PPP1R12A: variants seen among roughly 807,000 people sequenced by gnomAD.
PPP1R12A encodes protein phosphatase 1 regulatory subunit 12A.
A neutral mutation model predicts 139.6 loss-of-function variants in PPP1R12A; 19 were observed. The observed-to-expected ratio is 0.14, with a 90% CI of 0.09 to 0.20. The LOEUF (loss-of-function observed/expected upper bound fraction) is 0.20, where lower values mean the gene tolerates loss of function less well. PPP1R12A is among the 10% of genes least tolerant of loss of function. The pLI is 1.00. For missense variants in PPP1R12A, 925 were observed against 1,211.5 expected, an observed-to-expected ratio of 0.76 and a Z score of 3.51; for synonymous variants, 427 against 420.6, an observed-to-expected ratio of 1.02 and a Z score of -0.19.
chr12:79,831,822 C>T (rs901890369), intron 4 of PPP1R12A, among the ~76,000 whole-genome samples: 1 of 152,062 alleles, frequency 6.6e-6, no homozygotes, highest in Non-Finnish European at 1.5e-5. Context: ...ATATACAGCC[C>T]TGTAGAGTCA....
chr12:79,930,352 TAG>T (rs1236552189), intron 1 of PPP1R12A, among the ~76,000 whole-genome samples: 2 of 152,098 alleles, frequency 1.3e-5, no homozygotes, highest in South Asian at 4.1e-4. Flanking sequence ...TATCCAAATT[TAG>T]AGAGAGGAAT....
At chr12:79,913,791 A>G (rs1163604716) in intron 1 of PPP1R12A, 2 of 152,172 alleles carry the variant, frequency 1.3e-5, no homozygotes, top group Non-Finnish European at 2.9e-5. Flanking sequence ...TCTTTACAAT[A>G]CTTACAGTCT....
At chr12:79,811,806 CAT>C (rs1464197526) in intron 9 of PPP1R12A, among the ~76,000 whole-genome samples, 4 of 152,124 alleles carry the variant, frequency 2.6e-5, no homozygotes, top group Non-Finnish European at 5.9e-5. Context: ...GCCCACCAGC[CAT>C]AGTTTGCCAA....
At chr12:79,869,462 A>T (rs1212580265) in intron 2 of PPP1R12A, among the ~76,000 whole-genome samples, 1 of 152,186 alleles carries the variant, frequency 6.6e-6, no homozygotes, top group Non-Finnish European at 1.5e-5. Flanking sequence ...ATACACAAAC[A>T]ACTGATGTGT....
At chr12:79,889,738 G>A (rs1884420219) in intron 1 of PPP1R12A, among the ~76,000 whole-genome samples, 1 of 152,146 alleles carries the variant, frequency 6.6e-6, no homozygotes, top group Non-Finnish European at 1.5e-5. Context: ...TTGAGCTGCT[G>A]TCATTTTTAA....
intron 1 of PPP1R12A, among the ~76,000 whole-genome samples, chr12:79,877,307 A>G (rs946289906): frequency 6.6e-6 from 1 of 152,216 alleles, no homozygotes; most frequent in Non-Finnish European, 1.5e-5. Context: ...AAAAGAATAC[A>G]TAGGCAACGT....
In PPP1R12A at chr12:79,801,538, T is replaced by C. The variant is rs1243795746; in HGVS notation, c.2001-2954A>G. Among the ~76,000 whole-genome samples, 8 of 151,990 alleles carry C rather than the reference T, an allele frequency of 5.3e-5. No individual in the cohort carries two copies. The South Asian group carries it at 1.2e-3, about 24-fold the overall frequency. ...TTTAAAGCTCTCAGTTCAGCGAGTA[T>C]AGCGTATCTTCAAACATCCTTAGAA... is the stretch of plus-strand genomic sequence containing the variant. On this transcript the variant is annotated intron_variant, in intron 14 of 24. Transcript: ENST00000450142.
rs1877040001 is a variant in PPP1R12A at position 79,828,364 on chromosome 12, T to C, written c.748A>G (p.Ile250Val). 1 of 1,612,514 alleles carries C rather than the reference T, an allele frequency of 6.2e-7. No individual in the cohort carries two copies. Among genetic ancestry groups the C allele is most frequent in the Non-Finnish European group, 8.5e-7 (1 of 1,179,010 alleles). ...AHWGKEEACR[I>V]LVDNLCDMEM... ...ATATCACACAGATTGTCCACTAAAA[T>C]TCGACATGCTTCTTCTTTACCCCAA... Residue 250 changes from isoleucine to valine, a missense_variant, in exon 5 of 25, where the codon ATT becomes GTT. Around this residue, in one of 4 missense-constraint regions of PPP1R12A, gnomAD observed 199 missense variants for 352.4 expected, o/e 0.56. Transcript: ENST00000450142.
At chr12:79,890,597 A>G (rs1884491474) in intron 1 of PPP1R12A, among the ~76,000 whole-genome samples, 1 of 152,176 alleles carries the variant, frequency 6.6e-6, no homozygotes, top group Admixed American at 6.5e-5. Flanking sequence ...TTTTAACAAA[A>G]GTATATCAAA....
chr12:79,775,784 C>A lies in PPP1R12A; in HGVS notation c.*145G>T. 2 of 451,280 alleles carry A rather than the reference C, an allele frequency of 4.4e-6. No individual in the cohort carries two copies. The highest frequency in any genetic ancestry group is 7.3e-5 in the East Asian group (2 of 27,560). The allele number at this position is 451,280 out of a possible 1,614,324, so 28.0% of individuals were successfully genotyped here. ...CCCCAGAAAATTAAACAAAATGAAA[C>A]AAAAATTCTAGATAAGAGGGCATTT... On this transcript the variant is annotated 3_prime_UTR_variant, in exon 25 of 25. Coordinates refer to ENST00000450142, the MANE Select transcript of PPP1R12A (RefSeq NM_002480.3).
chr12:79,802,006 A>C (rs905721624), intron 14 of PPP1R12A, among the ~76,000 whole-genome samples: 1 of 152,170 alleles, frequency 6.6e-6, no homozygotes, highest in Non-Finnish European at 1.5e-5. Flanking sequence ...TATTATAGTG[A>C]GTTTCCTGGG....
intron 2 of PPP1R12A, among the ~76,000 whole-genome samples, chr12:79,871,291 C>A (rs1402935705): frequency 6.6e-6 from 1 of 152,174 alleles, no homozygotes; most frequent in Non-Finnish European, 1.5e-5. Context: ...CACAATAGGT[C>A]TGTGACCCAA....
intron 1 of PPP1R12A, among the ~76,000 whole-genome samples, chr12:79,909,519 G>A (rs139956619): frequency 5.8e-4 from 88 of 152,018 alleles, no homozygotes; most frequent in African/African-American, 2.0e-3. Flanking sequence ...AGCAGATCTC[G>A]AGGTCAAGAG....
chr12:79,848,328 T>C (rs927337387), intron 2 of PPP1R12A, among the ~76,000 whole-genome samples: 3 of 152,180 alleles, frequency 2.0e-5, no homozygotes, highest in African/African-American at 7.2e-5. Flanking sequence ...TGAGAGAATA[T>C]GTAATTATTC....
intron 9 of PPP1R12A, 35 bp from the exon 10 acceptor site, chr12:79,810,045 G>T (rs766516942): frequency 2.0e-6 from 3 of 1,498,794 alleles, no homozygotes; most frequent in East Asian, 2.3e-5. Context: ...AAAGAAAAAA[G>T]AATTTGTAAA....
Position 79,809,966 on chromosome 12 carries a change from T to C in PPP1R12A, c.1284A>G (p.Arg428=), listed in dbSNP as rs771500200. Residue 428 remains arginine (R), a synonymous_variant, in exon 10 of 25, where the codon AGA becomes AGG. Transcript: ENST00000450142. The stretch of plus-strand genomic sequence containing the variant: ...TCCAAGTTGCAGGAGACTCATCTTT[T>C]CTCTCTTCTTCTTTGGGAGAAATTT... ...ATKISPKEEE[R]KDESPATWRL... The C allele has an allele frequency of 4.3e-6, 7 of 1,613,364 alleles. No homozygotes were observed. The highest frequency in any genetic ancestry group is 5.9e-6 in the Non-Finnish European group (7 of 1,179,662).
intron 2 of PPP1R12A, among the ~76,000 whole-genome samples, chr12:79,866,263 G>C (rs562930039): frequency 2.0e-5 from 3 of 152,160 alleles, no homozygotes; most frequent in Non-Finnish European, 4.4e-5. Context: ...AAACTGGCTA[G>C]CCATATGCAG....
At chr12:79,917,741 T>C (rs1027185530) in intron 1 of PPP1R12A, among the ~76,000 whole-genome samples, 4 of 152,180 alleles carry the variant, frequency 2.6e-5, no homozygotes, top group African/African-American at 4.8e-5. Context: ...AAAAAGTGTA[T>C]AAAGGTGTTA....
At chr12:79,912,209 T>C (rs1181545670) in intron 1 of PPP1R12A, among the ~76,000 whole-genome samples, 2 of 152,230 alleles carry the variant, frequency 1.3e-5, no homozygotes, top group African/African-American at 2.4e-5. Flanking sequence ...ATCATGACTT[T>C]CACAGACTCC....
Sources: allele counts gnomAD v4.1 joint callset (sites outside exome capture counted in the v4.1 genomes callset), GRCh38; gene constraint gnomAD v4.1.1; regional missense constraint gnomAD v4.1.1; transcripts MANE v1.5; gene names NCBI Gene and HGNC (gene_info 2026-07-23, HGNC 2026-07-21).